The following TMEM132C variants were observed in gnomAD, a reference collection of about 807,000 sequenced individuals.
TMEM132C encodes the protein transmembrane protein 132C.
TMEM132C carries 29 observed loss-of-function variants against 61.4 expected under a neutral mutation model. The ratio of observed to expected loss-of-function variants is 0.47; its 90% CI spans 0.35 to 0.64. The LOEUF (loss-of-function observed/expected upper bound fraction) is 0.64. Among genes scored for constraint, TMEM132C ranks in the 30% least tolerant of loss-of-function variants. The pLI is 0.00. For synonymous variants in TMEM132C, 656 were observed against 633.1 expected, an observed-to-expected ratio of 1.04 and a Z score of -0.54; for missense variants, 1,408 against 1,476.9, an observed-to-expected ratio of 0.95 and a Z score of 0.76.
intron 4 of TMEM132C, among the ~76,000 whole-genome samples, chr12:128,647,196 A>C (rs1954211131): frequency 6.7e-6 from 1 of 148,826 alleles, no homozygotes; most frequent in South Asian, 2.1e-4. Flanking sequence ...ACTGGAGTCC[A>C]TCAGCGTTGG....
At chr12:128,311,937 C>A (rs951765538) in intron 1 of TMEM132C, among the ~76,000 whole-genome samples, 1 of 152,202 alleles carries the variant, frequency 6.6e-6, no homozygotes, top group Non-Finnish European at 1.5e-5. Context: ...ATATCCTCTG[C>A]TTATCTCAGA....
intron 1 of TMEM132C, among the ~76,000 whole-genome samples, chr12:128,383,907 C>T (rs998794443): frequency 2.0e-5 from 3 of 152,134 alleles, no homozygotes; most frequent in African/African-American, 4.8e-5. Context: ...ATCTACATAA[C>T]GACGCTTTTT....
chr12:128,608,773 T>C (rs1411693718), intron 3 of TMEM132C, among the ~76,000 whole-genome samples: 2 of 152,184 alleles, frequency 1.3e-5, no homozygotes, highest in Non-Finnish European at 2.9e-5. Flanking sequence ...ATAGTTTTTC[T>C]TTTAATTTCC....
chr12:128,476,195 G>A (rs1871149846), intron 2 of TMEM132C, among the ~76,000 whole-genome samples: 1 of 152,130 alleles, frequency 6.6e-6, no homozygotes, highest in African/African-American at 2.4e-5. Context: ...GCTGTCCATT[G>A]GATTAATTCG....
At chr12:128,525,446 G>A (rs1268300245) in intron 2 of TMEM132C, among the ~76,000 whole-genome samples, 1 of 151,704 alleles carries the variant, frequency 6.6e-6, no homozygotes, top group Admixed American at 6.6e-5. Flanking sequence ...CCTCACACCT[G>A]CCAACCTCCA....
chr12:128,658,952 A>G (rs970059576), intron 4 of TMEM132C, among the ~76,000 whole-genome samples: 2 of 152,232 alleles, frequency 1.3e-5, no homozygotes, highest in African/African-American at 4.8e-5. Context: ...GAAAGCAATA[A>G]GGACAGGAGT....
At chr12:128,625,497 G>A (rs1308399777) in intron 4 of TMEM132C, among the ~76,000 whole-genome samples, 2 of 152,194 alleles carry the variant, frequency 1.3e-5, no homozygotes, top group Admixed American at 1.3e-4. Context: ...GTTCCACATG[G>A]CTGGGGAGGC....
At chr12:128,635,673 G>A (rs1187185139) in intron 4 of TMEM132C, among the ~76,000 whole-genome samples, 6 of 152,160 alleles carry the variant, frequency 3.9e-5, no homozygotes, top group Non-Finnish European at 1.5e-5. Flanking sequence ...GCAACCCACA[G>A]TGAAGTTGTA....
At chr12:128,535,405 A>G (rs1240759409) in intron 2 of TMEM132C, among the ~76,000 whole-genome samples, 1 of 152,194 alleles carries the variant, frequency 6.6e-6, no homozygotes, top group African/African-American at 2.4e-5. Context: ...AAAAACAAAC[A>G]ACCCCATGAA....
intron 8 of TMEM132C, among the ~76,000 whole-genome samples, chr12:128,701,899 C>CTT (rs34680984): frequency 1.0e-4 from 13 of 130,074 alleles, no homozygotes; most frequent in South Asian, 2.4e-4. Context: ...GCTTCTTCTT[C>CTT]TTTTTTTTTT....
chr12:128,524,229 C>T (rs1031035798), intron 2 of TMEM132C, among the ~76,000 whole-genome samples: 2 of 152,134 alleles, frequency 1.3e-5, no homozygotes, highest in Non-Finnish European at 2.9e-5. Context: ...ATGGGGTACC[C>T]TTTGGAAAAA....
At chr12:128,660,949 A>G (rs1954382739) in intron 4 of TMEM132C, among the ~76,000 whole-genome samples, 1 of 152,236 alleles carries the variant, frequency 6.6e-6, no homozygotes, top group Non-Finnish European at 1.5e-5. Context: ...AGGAGACAGA[A>G]AGAAGATAGA....
chr12:128,705,159 A>G lies in TMEM132C; in HGVS notation c.2191A>G (p.Lys731Glu), dbSNP rs1222746009. ...GACGCCCCTGGACATCTACGACACCAAGGACTTCTCCCTGGCAGCCACCTC... is the reference window on the plus strand; with the variant it reads ...GACGCCCCTGGACATCTACGACACCGAGGACTTCTCCCTGGCAGCCACCTC... ...SVTPLDIYDT[K>E]DFSLAATSQD... Residue 731 changes from lysine (K) to glutamate (E), a missense_variant, in exon 9 of 9, where the codon AAG (lysine) becomes GAG (glutamate). Coordinates refer to ENST00000435159, the MANE Select transcript of TMEM132C (RefSeq NM_001136103.3). 6.4e-7 allele frequency: 1 copy of G among 1,551,478 alleles called. No homozygotes were observed. Among genetic ancestry groups the G allele is most frequent in the Non-Finnish European group, 8.7e-7 (1 of 1,146,958 alleles).
chr12:128,403,463 A>ATT lies in TMEM132C; in HGVS notation c.86-11261_86-11260dup, dbSNP rs35645577. Among the ~76,000 whole-genome samples the ATT allele has an allele frequency of 4.6e-5, 7 of 151,374 alleles. No individual in the cohort carries two copies. In the South Asian group the frequency reaches 6.3e-4, roughly 14 times the overall value. ...TTCTTTCTCACGTAGACATCACCCA[A>ATT]TTTTTTTTTCGCATGTGGATATCAC... On this transcript the variant is annotated intron_variant, in intron 1 of 8. Coordinates refer to ENST00000435159, the MANE Select transcript of TMEM132C (RefSeq NM_001136103.3).
chr12:128,422,457 T>G (rs1869022833), intron 2 of TMEM132C, among the ~76,000 whole-genome samples: 1 of 152,170 alleles, frequency 6.6e-6, no homozygotes, highest in African/African-American at 2.4e-5. Context: ...CAACTTAAAA[T>G]AAGCCCACTT....
At chr12:128,410,975 A>G (rs1322064463) in intron 1 of TMEM132C, among the ~76,000 whole-genome samples, 1 of 152,194 alleles carries the variant, frequency 6.6e-6, no homozygotes, top group African/African-American at 2.4e-5. Flanking sequence ...AACATTTTTG[A>G]TGAGTATAGG....
intron 2 of TMEM132C, among the ~76,000 whole-genome samples, chr12:128,466,553 C>T (rs1458128986): frequency 1.3e-5 from 2 of 152,186 alleles, no homozygotes; most frequent in Non-Finnish European, 2.9e-5. Context: ...GAGACAGGGT[C>T]TCACTGTGTC....
intron 1 of TMEM132C, among the ~76,000 whole-genome samples, chr12:128,314,216 GA>G (rs1370569913): frequency 6.6e-6 from 1 of 152,192 alleles, no homozygotes; most frequent in Non-Finnish European, 1.5e-5. Flanking sequence ...CCTGGAGTGA[GA>G]AAAGAAGGAA....
At position 128,412,689 on chromosome 12, in the gene TMEM132C, C is replaced by T. The variant is rs371513384; in HGVS notation, c.86-2043C>T. Reference sequence around the variant, plus strand: ...CCACCATGATTGTGAGGCCTCCCAGCCATGTGGTACTGTGAGTCCATTAAA... The same window carrying T: ...CCACCATGATTGTGAGGCCTCCCAGTCATGTGGTACTGTGAGTCCATTAAA... On this transcript the variant is annotated intron_variant, in intron 1 of 8. Transcript: ENST00000435159. 2.6e-4 allele frequency among the ~76,000 whole-genome samples: 39 copies of T among 152,268 alleles called. 1 individual carries two copies. The East Asian group carries it at 7.5e-3, about 29-fold the overall frequency.
Sources: allele counts gnomAD v4.1 joint callset (sites outside exome capture counted in the v4.1 genomes callset), GRCh38; gene constraint gnomAD v4.1.1; transcripts MANE v1.5; gene names NCBI Gene and HGNC (gene_info 2026-07-23, HGNC 2026-07-21).